Variants in SMYD2 observed in about 807,000 individuals in gnomAD.
SMYD2 encodes N-lysine methyltransferase SMYD2.
In SMYD2, 53 loss-of-function variants were observed where a neutral mutation model predicts 59.1. The observed-to-expected ratio is 0.90, with a 90% CI of 0.72 to 1.13. The LOEUF is 1.13. Ranked by LOEUF, SMYD2 falls within the 50% of genes most tolerant of loss-of-function variation. The pLI is 0.00. For synonymous variants in SMYD2, 208 were observed against 198.8 expected (o/e 1.05, Z -0.39); for missense variants, 494 against 544.7 (o/e 0.91, Z 0.93).
intron 1 of SMYD2, among the ~76,000 whole-genome samples, chr1:214,290,397 A>T (rs897828274): frequency 6.6e-6 from 1 of 152,344 alleles, no homozygotes; most frequent in South Asian, 2.1e-4. Flanking sequence ...GTTTCGGATG[A>T]CTAAGTGGAA....
At chr1:214,302,522 C>G (rs1198818797) in intron 1 of SMYD2, among the ~76,000 whole-genome samples, 1 of 152,174 alleles carries the variant, frequency 6.6e-6, no homozygotes, top group Non-Finnish European at 1.5e-5. Flanking sequence ...GAAAGGGTCT[C>G]CGGGACCCCA....
chr1:214,322,205 C>A (rs147346032), intron 5 of SMYD2, among the ~76,000 whole-genome samples: 1 of 152,214 alleles, frequency 6.6e-6, no homozygotes, highest in Non-Finnish European at 1.5e-5. Flanking sequence ...CCAGAAACTG[C>A]TGAGGCGTGG....
intron 9 of SMYD2, 196 bp from the exon 10 acceptor site, chr1:214,331,822 G>A (rs1024396393): frequency 6.9e-6 from 4 of 578,406 alleles, no homozygotes; most frequent in South Asian, 4.5e-5. Flanking sequence ...GAGTTGAGCG[G>A]TTCCGACCTT....
chr1:214,285,025 G>A (rs773483085), intron 1 of SMYD2, among the ~76,000 whole-genome samples: 1 of 152,162 alleles, frequency 6.6e-6, no homozygotes, highest in African/African-American at 2.4e-5. Context: ...TCTGAGTGTA[G>A]GGGGAACCAG....
intron 1 of SMYD2, among the ~76,000 whole-genome samples, chr1:214,288,909 C>A (rs1460752079): frequency 6.7e-6 from 1 of 148,526 alleles, no homozygotes; most frequent in Admixed American, 6.7e-5. Context: ...GTTTCTGTGC[C>A]GTGTGATAGG....
chr1:214,310,371 G>C (rs552517490), intron 2 of SMYD2, among the ~76,000 whole-genome samples: 19 of 152,274 alleles, frequency 1.2e-4, no homozygotes, highest in South Asian at 4.1e-4. Context: ...TACACAGTCT[G>C]TCCTCATTAT....
chr1:214,300,738 C>T (rs1309306317), intron 1 of SMYD2, among the ~76,000 whole-genome samples: 1 of 152,160 alleles, frequency 6.6e-6, no homozygotes, highest in African/African-American at 2.4e-5. Context: ...TCCAATTCTG[C>T]CACCTAGTTG....
chr1:214,330,220 G>A lies in SMYD2; in HGVS notation c.758G>A (p.Arg253Gln), dbSNP rs769148140. Residue 253 changes from arginine (R) to glutamine (Q), a missense_variant, in exon 8 of 12, where the codon CGG becomes CAG. Physicochemically the swap from Arg to Gln is conservative, Grantham distance 43 (BLOSUM62 1). Transcript: ENST00000366957. The stretch of plus-strand genomic sequence containing the variant: ...TACCCAACGGAAGATAGAAATGACC[G>A]GTTAAGAGATTCTTATTTCTTTACC... ...LLYPTEDRNDRLRDSYFFTCE... is the reference protein window; with the variant it reads ...LLYPTEDRNDQLRDSYFFTCE... 77 of 1,613,214 alleles carry A rather than the reference G, an allele frequency of 4.8e-5. No homozygotes were observed. Among genetic ancestry groups the A allele is most frequent in the African/African-American group, 8.0e-5 (6 of 74,888 alleles).
chr1:214,299,223 G>A (rs1234802849), intron 1 of SMYD2, among the ~76,000 whole-genome samples: 4 of 152,194 alleles, frequency 2.6e-5, no homozygotes, highest in African/African-American at 9.7e-5. Flanking sequence ...CTTATACACT[G>A]TTGGTGGGAA....
chr1:214,299,465 T>TATATATA (rs1553254476), intron 1 of SMYD2, among the ~76,000 whole-genome samples: 10 of 71,596 alleles, frequency 1.4e-4, no homozygotes, highest in South Asian at 8.2e-4. Flanking sequence ...AAAGAAAACA[T>TATATATA]TATATATATA....
chr1:214,322,494 C>A (rs1657188874), intron 5 of SMYD2, among the ~76,000 whole-genome samples: 1 of 152,212 alleles, frequency 6.6e-6, no homozygotes, highest in Admixed American at 6.5e-5. Context: ...TACTAATCCA[C>A]AGTACCCTCC....
intron 7 of SMYD2, among the ~76,000 whole-genome samples, chr1:214,329,801 G>A (rs144706934): frequency 3.3e-5 from 5 of 152,322 alleles, no homozygotes; most frequent in East Asian, 1.9e-4. Context: ...CATTTGCGCC[G>A]TCTCAGGTGG....
intron 9 of SMYD2, 129 bp from the exon 10 acceptor site, chr1:214,331,889 G>T: frequency 2.5e-6 from 2 of 795,858 alleles, no homozygotes; most frequent in Non-Finnish European, 1.9e-6. Flanking sequence ...CTTTTGCTTG[G>T]CTTTCTGTAA....
rs929077955 is a variant in SMYD2, at chr1:214,334,185, C to T, written c.1113-15C>T. ...CCGCTGACATGGTGGCCTGTTGTCTCTTCTCTTGTTCTAGTAAGCACTATC... is the reference window on the plus strand; with the variant it reads ...CCGCTGACATGGTGGCCTGTTGTCTTTTCTCTTGTTCTAGTAAGCACTATC... On this transcript the variant is annotated splice_polypyrimidine_tract_variant and intron_variant, in intron 10 of 11. Coordinates refer to ENST00000366957, the MANE Select transcript of SMYD2 (RefSeq NM_020197.3). 2 of 1,611,696 alleles carry T rather than the reference C, an allele frequency of 1.2e-6. No individual in the cohort carries two copies. Among genetic ancestry groups the T allele is most frequent in the Non-Finnish European group, 8.5e-7 (1 of 1,178,226 alleles).
intron 1 of SMYD2, among the ~76,000 whole-genome samples, chr1:214,304,370 G>A (rs1017797777): frequency 9.9e-5 from 15 of 151,784 alleles, no homozygotes; most frequent in African/African-American, 3.6e-4. Flanking sequence ...ATCAGCCTGG[G>A]CAACATGGTG....
At chr1:214,306,235 C>T (rs185262345) in intron 2 of SMYD2, among the ~76,000 whole-genome samples, 3 of 152,218 alleles carry the variant, frequency 2.0e-5, no homozygotes, top group African/African-American at 7.2e-5. Context: ...CCCTCCAGCC[C>T]CATCCCCGGT....
At chr1:214,291,077 G>A (rs1482417193) in intron 1 of SMYD2, among the ~76,000 whole-genome samples, 3 of 152,158 alleles carry the variant, frequency 2.0e-5, no homozygotes. Context: ...CTCCCTAAGG[G>A]TAGGAATTCT....
intron 1 of SMYD2, among the ~76,000 whole-genome samples, chr1:214,284,460 A>G (rs1010151221): frequency 1.3e-5 from 2 of 151,430 alleles, no homozygotes; most frequent in African/African-American, 4.9e-5. Flanking sequence ...GGGTTTCTCC[A>G]TGTTGGTCAG....
chr1:214,304,826 A>G (rs1656891798), intron 1 of SMYD2, among the ~76,000 whole-genome samples: 2 of 152,148 alleles, frequency 1.3e-5, no homozygotes, highest in South Asian at 4.1e-4. Flanking sequence ...GGACATAAGA[A>G]CTTGAACTTG....
Sources: allele counts gnomAD v4.1 joint callset (sites outside exome capture counted in the v4.1 genomes callset), GRCh38; gene constraint gnomAD v4.1.1; transcripts MANE v1.5; gene names NCBI Gene and HGNC (gene_info 2026-07-23, HGNC 2026-07-21).